The following TRMT11 variants were observed in gnomAD, a reference collection of about 807,000 sequenced individuals.
TRMT11 encodes tRNA (guanine(10)-N(2))-methyltransferase TRMT11.
In TRMT11, 53 loss-of-function variants were observed where a neutral mutation model predicts 62.8. The ratio of observed to expected loss-of-function variants is 0.84; its 90% CI spans 0.68 to 1.06. TRMT11 has a LOEUF of 1.06. Ranked by LOEUF, TRMT11 falls within the 50% of genes least tolerant of loss-of-function variation. TRMT11 has a pLI of 0.00. For missense variants in TRMT11, 556 were observed against 553.4 expected (o/e 1.00, Z -0.05); for synonymous variants, 188 against 190.3 (o/e 0.99, Z 0.10).
intron 21 of TRMT11, among the ~76,000 whole-genome samples, chr6:126,147,593 T>G (rs1219342313): frequency 6.6e-6 from 1 of 152,174 alleles, no homozygotes; most frequent in Non-Finnish European, 1.5e-5. Context: ...AGTGGTCAAC[T>G]GCAGTAAGTG....
the TRMT11 span, among the ~76,000 whole-genome samples, chr6:126,244,114 A>T: frequency 1.3e-5 from 2 of 152,006 alleles, no homozygotes; most frequent in South Asian, 4.2e-4. Context: ...CATTCATCTG[A>T]GTGATGGGTT....
At chr6:126,094,145 T>G (rs1329260388) in intron 17 of TRMT11, among the ~76,000 whole-genome samples, 2 of 152,102 alleles carry the variant, frequency 1.3e-5, no homozygotes, top group East Asian at 3.9e-4. Flanking sequence ...TTATTGCTGT[T>G]GGCTCTGACT....
the TRMT11 span, among the ~76,000 whole-genome samples, chr6:126,224,829 G>T: frequency 6.6e-6 from 1 of 152,206 alleles, no homozygotes; most frequent in South Asian, 2.1e-4. Context: ...ATACTTGCAC[G>T]CACTGGAAAA....
At chr6:126,144,099 A>G (rs931431906) in intron 21 of TRMT11, among the ~76,000 whole-genome samples, 34 of 152,118 alleles carry the variant, frequency 2.2e-4, no homozygotes, top group African/African-American at 8.2e-4. Context: ...ATCCCACTTG[A>G]GTATGCATTG....
At chr6:126,171,334 TGATA>T (rs771079947) in intron 21 of TRMT11, among the ~76,000 whole-genome samples, 11 of 151,430 alleles carry the variant, frequency 7.3e-5, no homozygotes, top group Middle Eastern at 3.4e-3. Flanking sequence ...CCCTGGCAAG[TGATA>T]GATAGACATT....
the TRMT11 span, among the ~76,000 whole-genome samples, chr6:126,250,533 G>T: frequency 6.6e-6 from 1 of 152,122 alleles, no homozygotes; most frequent in Non-Finnish European, 1.5e-5. Flanking sequence ...TCCAAGAAAA[G>T]ATAATATCTG....
the TRMT11 span, among the ~76,000 whole-genome samples, chr6:126,237,805 G>T: frequency 1.3e-5 from 2 of 152,156 alleles, no homozygotes; most frequent in Non-Finnish European, 2.9e-5. Flanking sequence ...TTTTCTAAAA[G>T]GGTCAGAAGA....
Position 126,151,884 on chromosome 6 carries a change from C to T in TRMT11, c.*1824-22941C>T, listed in dbSNP as rs1233827737. On this transcript the variant is annotated intron_variant and NMD_transcript_variant, in intron 21 of 22. Transcript: ENST00000648977. ...TTTCTTTCCTTCTTTCTCCTTCCTT[C>T]CTTGTCTTTTTCTTTCTTTTCTCTT... Among the ~76,000 whole-genome samples the T allele has an allele frequency of 9.9e-3, 564 of 57,148 alleles. 11 individuals are homozygous for T. The highest frequency in any genetic ancestry group is 0.02 in the South Asian group (36 of 1,816). The allele number at this position is 57,148 out of a possible 152,430, so 37.5% of individuals were successfully genotyped here. A position where few individuals can be genotyped will look rare whatever the true frequency, so the allele number is the denominator to read the frequency against.
intron 17 of TRMT11, among the ~76,000 whole-genome samples, chr6:126,111,031 G>A (rs58565980): frequency 0.013 from 1,969 of 152,142 alleles, 42 homozygotes; most frequent in African/African-American, 0.045. Context: ...TGAAGGATAT[G>A]GGAGGAGACT....
At chr6:126,056,915 T>C (rs557463488) in intron 17 of TRMT11, among the ~76,000 whole-genome samples, 1 of 152,292 alleles carries the variant, frequency 6.6e-6, no homozygotes, top group East Asian at 1.9e-4. Flanking sequence ...CCCAAAGCTG[T>C]GTCTATTGAG....
chr6:126,195,533 T>A (rs1365875628), intron 1 of TRMT11, among the ~76,000 whole-genome samples: 1 of 152,232 alleles, frequency 6.6e-6, no homozygotes, highest in Non-Finnish European at 1.5e-5. Context: ...TCTGGCATTT[T>A]TCTGTCTGGG....
chr6:126,064,400 A>C (rs760572961), intron 17 of TRMT11, among the ~76,000 whole-genome samples: 14 of 152,166 alleles, frequency 9.2e-5, no homozygotes, highest in Non-Finnish European at 1.6e-4. Context: ...CAGGATTCAA[A>C]TAAATGTAAT....
intron 17 of TRMT11, among the ~76,000 whole-genome samples, chr6:126,055,493 C>T (rs980235273): frequency 2.6e-5 from 4 of 152,174 alleles, no homozygotes; most frequent in Non-Finnish European, 4.4e-5. Flanking sequence ...CTTGGTTAAA[C>T]TCATTTTTGT....
At chr6:126,210,612 A>G in the TRMT11 span, among the ~76,000 whole-genome samples, 1 of 152,232 alleles carries the variant, frequency 6.6e-6, no homozygotes, top group African/African-American at 2.4e-5. Context: ...TTCAGTTATT[A>G]CAGATGAGTC....
chr6:126,004,338 A>C (rs1793011616), intron 7 of TRMT11, among the ~76,000 whole-genome samples: 2 of 152,044 alleles, frequency 1.3e-5, no homozygotes, highest in Non-Finnish European at 2.9e-5. Flanking sequence ...GTATATTTGG[A>C]ACGTCTGACT....
intron 17 of TRMT11, among the ~76,000 whole-genome samples, chr6:126,075,366 G>C (rs1441178740): frequency 6.6e-6 from 1 of 152,248 alleles, no homozygotes; most frequent in East Asian, 1.9e-4. Flanking sequence ...AAGTGTTGGA[G>C]GAGGGGCCTG....
rs1777913638 is a variant in TRMT11 at position 126,141,267 on chromosome 6, C to T, written c.*1823+25412C>T. Among the ~76,000 whole-genome samples, 3 of 152,112 alleles carry T rather than the reference C, an allele frequency of 2.0e-5. No homozygotes were observed. In the South Asian group the frequency reaches 6.2e-4, roughly 32 times the overall value. ...TAATTTTGGTTATCAAACAAGTAGA[C>T]CTGTCAGCTTAACTAAAAATAAAAT... On this transcript the variant is annotated intron_variant and NMD_transcript_variant, in intron 21 of 22. Transcript: ENST00000648977.
chr6:126,101,487 G>T (rs1049721468), intron 17 of TRMT11, among the ~76,000 whole-genome samples: 1 of 152,200 alleles, frequency 6.6e-6, no homozygotes, highest in Non-Finnish European at 1.5e-5. Flanking sequence ...AAACCAATGT[G>T]CAGAGAGGTT....
At chr6:126,164,154 A>G (rs544044095) in intron 21 of TRMT11, among the ~76,000 whole-genome samples, 33 of 152,350 alleles carry the variant, frequency 2.2e-4, no homozygotes, top group African/African-American at 7.9e-4. Context: ...GCTGCATCCC[A>G]GAGATTCTGG....
Sources: allele counts gnomAD v4.1 joint callset (sites outside exome capture counted in the v4.1 genomes callset), GRCh38; gene constraint gnomAD v4.1.1; transcripts MANE v1.5; gene names NCBI Gene and HGNC (gene_info 2026-07-23, HGNC 2026-07-21).